ROBO1: variants seen among roughly 807,000 people sequenced by gnomAD.
ROBO1 encodes the protein roundabout guidance receptor 1.
ROBO1 carries 149 observed loss-of-function variants against 195.9 expected under a neutral mutation model. The observed-to-expected ratio is 0.76, with a 90% CI of 0.67 to 0.87. The LOEUF is 0.87. Among genes scored for constraint, ROBO1 ranks in the 40% least tolerant of loss-of-function variants. The probability of loss-of-function intolerance (pLI) is 0.00; values close to 1 mark genes in which losing one functional copy is unlikely to be tolerated. For missense variants in ROBO1, 1,933 were observed against 2,068.3 expected (o/e 0.93, Z 1.27); for synonymous variants, 816 against 733.2 (o/e 1.11, Z -1.82).
intron 10 of ROBO1, among the ~76,000 whole-genome samples, chr3:78,682,252 A>T (rs377604672): frequency 6.6e-6 from 1 of 152,112 alleles, no homozygotes; most frequent in East Asian, 1.9e-4. Flanking sequence ...AAGAAATAAA[A>T]TGTATAAATA....
intron 8 of ROBO1, among the ~76,000 whole-genome samples, chr3:78,691,241 C>G (rs1340531318): frequency 6.6e-6 from 1 of 152,058 alleles, no homozygotes; most frequent in Non-Finnish European, 1.5e-5. Context: ...AATGTGTCCA[C>G]TTGATGTTTA....
intron 4 of ROBO1, among the ~76,000 whole-genome samples, chr3:78,914,117 T>C (rs1028000757): frequency 6.6e-6 from 1 of 152,214 alleles, no homozygotes; most frequent in Non-Finnish European, 1.5e-5. Context: ...GTATGGGCCG[T>C]TATTTCTTCA....
chr3:79,690,907 G>T (rs1317424168), intron 1 of ROBO1, among the ~76,000 whole-genome samples: 1 of 151,634 alleles, frequency 6.6e-6, no homozygotes, highest in African/African-American at 2.4e-5. Context: ...GGTAGCATTG[G>T]GTAGTAACTC....
At chr3:78,840,067 T>C (rs952297129) in intron 4 of ROBO1, among the ~76,000 whole-genome samples, 9 of 152,354 alleles carry the variant, frequency 5.9e-5, no homozygotes, top group African/African-American at 1.7e-4. Context: ...CCAAAATAAA[T>C]GGACCTTAGG....
intron 3 of ROBO1, among the ~76,000 whole-genome samples, chr3:79,111,334 G>A (rs2079882763): frequency 6.6e-6 from 1 of 152,108 alleles, no homozygotes; most frequent in Non-Finnish European, 1.5e-5. Flanking sequence ...ATCGATTGGG[G>A]AATGCGCAGG....
intron 4 of ROBO1, among the ~76,000 whole-genome samples, chr3:78,846,928 A>G (rs2033707215): frequency 6.6e-6 from 1 of 152,156 alleles, no homozygotes; most frequent in South Asian, 2.1e-4. Context: ...AAAGGAGATG[A>G]AAGTTTTTAG....
intron 3 of ROBO1, among the ~76,000 whole-genome samples, chr3:78,999,645 G>A (rs1007264938): frequency 2.6e-5 from 4 of 152,134 alleles, no homozygotes; most frequent in African/African-American, 4.8e-5. Context: ...CCTCTGCATC[G>A]TGCAATATAC....
chr3:79,024,955 T>C (rs74828543), intron 3 of ROBO1, among the ~76,000 whole-genome samples: 1 of 152,136 alleles, frequency 6.6e-6, no homozygotes, highest in African/African-American at 2.4e-5. Flanking sequence ...AGATTATGCC[T>C]CTCCTCTGCT....
chr3:79,000,162 A>G (rs1426836778), intron 3 of ROBO1, among the ~76,000 whole-genome samples: 6 of 152,150 alleles, frequency 3.9e-5, no homozygotes, highest in Admixed American at 3.9e-4. Context: ...ACTTACAACC[A>G]TGGTGGAAGG....
intron 4 of ROBO1, among the ~76,000 whole-genome samples, chr3:78,802,591 A>C (rs146514781): frequency 6.6e-6 from 1 of 152,252 alleles, no homozygotes; most frequent in Non-Finnish European, 1.5e-5. Context: ...ATTCTGAGAT[A>C]TACCTGAATT....
At chr3:78,924,098 C>T (rs543192202) in intron 4 of ROBO1, among the ~76,000 whole-genome samples, 1 of 151,356 alleles carries the variant, frequency 6.6e-6, no homozygotes, top group Admixed American at 6.6e-5. Context: ...TACACATACA[C>T]ACATTATAAA....
chr3:79,543,532 G>A (rs139539498), intron 2 of ROBO1, among the ~76,000 whole-genome samples: 266 of 152,038 alleles, frequency 1.7e-3, no homozygotes, highest in African/African-American at 6.0e-3. Context: ...CCTGTTAAAC[G>A]GATCATCCGA....
chr3:79,137,625 C>A (rs753542576), intron 2 of ROBO1, among the ~76,000 whole-genome samples: 25 of 151,976 alleles, frequency 1.6e-4, no homozygotes, highest in Admixed American at 3.9e-4. Flanking sequence ...ATGATCCTAG[C>A]CATCATCATC....
intron 2 of ROBO1, among the ~76,000 whole-genome samples, chr3:79,296,145 A>G (rs751307998): frequency 1.3e-5 from 2 of 152,200 alleles, no homozygotes; most frequent in South Asian, 2.1e-4. Flanking sequence ...AACTCATTCT[A>G]TAGGGATGGG....
At chr3:79,164,767 G>A (rs2081032943) in intron 2 of ROBO1, among the ~76,000 whole-genome samples, 1 of 152,034 alleles carries the variant, frequency 6.6e-6, no homozygotes, top group South Asian at 2.1e-4. Flanking sequence ...TCTCATTCCC[G>A]ACTCCTCTCC....
At chr3:78,822,966 A>T (rs2031159156) in intron 4 of ROBO1, among the ~76,000 whole-genome samples, 1 of 152,222 alleles carries the variant, frequency 6.6e-6, no homozygotes. Context: ...TTCATGAAAC[A>T]TGAATCCAAA....
At chr3:79,005,539 G>T (rs143251537) in intron 3 of ROBO1, among the ~76,000 whole-genome samples, 1 of 152,204 alleles carries the variant, frequency 6.6e-6, no homozygotes, top group Non-Finnish European at 1.5e-5. Flanking sequence ...AGTGAAAAAA[G>T]AGTTAACAAA....
chr3:79,604,515 G>T (rs1008282757), intron 1 of ROBO1, among the ~76,000 whole-genome samples: 34 of 152,038 alleles, frequency 2.2e-4, no homozygotes, highest in East Asian at 5.8e-4. Flanking sequence ...TGAGTTTTGA[G>T]GTGGAAAGAA....
At chr3:79,548,563 G>A (rs1559982855) in intron 2 of ROBO1, among the ~76,000 whole-genome samples, 2 of 152,252 alleles carry the variant, frequency 1.3e-5, no homozygotes, top group East Asian at 3.9e-4. Flanking sequence ...CGTCTGGTAG[G>A]AAATAATACA....
Sources: gnomAD v4.1 joint callset for allele counts (sites outside exome capture counted in the v4.1 genomes callset) on GRCh38, gnomAD v4.1.1 for gene constraint, MANE v1.5 for transcripts, NCBI Gene and HGNC (gene_info 2026-07-23, HGNC 2026-07-21) for gene names.